PTPN22: variants seen among roughly 807,000 people sequenced by gnomAD.
PTPN22 encodes protein tyrosine phosphatase non-receptor type 22.
In PTPN22, 85 loss-of-function variants were observed where a neutral mutation model predicts 103.3. The observed-to-expected ratio is 0.82, with a 90% confidence interval of 0.69 to 0.99. The LOEUF is 0.99. Ranked by LOEUF, PTPN22 falls within the 50% of genes least tolerant of loss-of-function variation. The pLI, the probability that PTPN22 is intolerant of heterozygous loss-of-function variation, is 0.00. For synonymous variants in PTPN22, 323 were observed against 310.2 expected, an observed-to-expected ratio of 1.04 and a Z score of -0.43; for missense variants, 865 against 936.9, an observed-to-expected ratio of 0.92 and a Z score of 1.00.
At chr1:113,840,826 T>C (rs1293039522) in intron 11 of PTPN22, among the ~76,000 whole-genome samples, 1 of 152,186 alleles carries the variant, frequency 6.6e-6, no homozygotes, top group Non-Finnish European at 1.5e-5. Flanking sequence ...CATTTACATA[T>C]GGTGGGCAAT....
chr1:113,819,706 G>T, intron 19 of PTPN22, 52 bp from the exon 20 acceptor site: 2 of 1,263,364 alleles, frequency 1.6e-6, no homozygotes, highest in South Asian at 2.7e-5. Context: ...AGACTCAGAT[G>T]ACTGTTGATC....
At chr1:113,843,287 T>C (rs1464540650) in intron 11 of PTPN22, among the ~76,000 whole-genome samples, 1 of 10,410 alleles carries the variant, frequency 9.6e-5, no homozygotes, top group Non-Finnish European at 2.4e-4. Context: ...ATAAACAAAA[T>C]GTGTGTGTGT....
intron 12 of PTPN22, 30 bp downstream of exon 12, chr1:113,838,514 C>T: frequency 6.2e-7 from 1 of 1,606,078 alleles, no homozygotes; most frequent in South Asian, 1.1e-5. Flanking sequence ...CACAATTAGT[C>T]AACATTTAGA....
chr1:113,854,461 A>G lies in PTPN22; in HGVS notation c.750+10T>C, dbSNP rs1290550203. The G allele has an allele frequency of 6.2e-7, 1 of 1,610,320 alleles. No homozygotes were observed. The highest frequency in any genetic ancestry group is 8.5e-7 in the Non-Finnish European group (1 of 1,176,470). ...AAGCAAATGGGAAGTGCCTGCTGAGAGAAACTCACCCCATCTTTTAGCAAC... is the reference window on the plus strand; with the variant it reads ...AAGCAAATGGGAAGTGCCTGCTGAGGGAAACTCACCCCATCTTTTAGCAAC... On this transcript the variant is annotated intron_variant, in intron 9 of 20. Transcript: ENST00000359785.
intron 1 of PTPN22, 138 bp downstream of exon 1, chr1:113,871,399 C>CTTTTTTTT (rs942057521): frequency 8.4e-6 from 5 of 596,332 alleles, no homozygotes; most frequent in Non-Finnish European, 5.8e-6. Flanking sequence ...AGAAGTCAAA[C>CTTTTTTTT]TTTTTTTTTT....
chr1:113,847,317 T>C (rs2102031545), intron 11 of PTPN22, among the ~76,000 whole-genome samples: 1 of 151,698 alleles, frequency 6.6e-6, no homozygotes, highest in East Asian at 1.9e-4. Flanking sequence ...TTTTTATATT[T>C]TCATTCTTTT....
intron 11 of PTPN22, among the ~76,000 whole-genome samples, chr1:113,845,183 GTTTTGT>G (rs1558038619): frequency 2.0e-5 from 3 of 147,158 alleles, no homozygotes; most frequent in South Asian, 2.2e-4. Flanking sequence ...AATTTTGGTT[GTTTTGT>G]TTTTGTTTTT....
intron 18 of PTPN22, 71 bp from the exon 19 acceptor site, chr1:113,825,243 T>A: frequency 1.1e-6 from 1 of 949,490 alleles, no homozygotes; most frequent in Non-Finnish European, 1.6e-6. Flanking sequence ...AATAGAAATA[T>A]AGACTTAAGT....
At chr1:113,860,719 A>G (rs1305416063) in intron 1 of PTPN22, among the ~76,000 whole-genome samples, 1 of 152,214 alleles carries the variant, frequency 6.6e-6, no homozygotes, top group East Asian at 1.9e-4. Context: ...CAACTTCAGA[A>G]TGATCATTTT....
intron 19 of PTPN22, among the ~76,000 whole-genome samples, chr1:113,822,187 T>C (rs1661673049): frequency 6.6e-6 from 1 of 152,232 alleles, no homozygotes; most frequent in South Asian, 2.1e-4. Flanking sequence ...TGAAGTCAGC[T>C]TAAGTTAGGT....
chr1:113,867,082 T>A (rs1666183318), intron 1 of PTPN22, among the ~76,000 whole-genome samples: 1 of 152,222 alleles, frequency 6.6e-6, no homozygotes, highest in South Asian at 2.1e-4. Context: ...TGTTAGAATG[T>A]TGGTATTATG....
chr1:113,853,242 T>A (rs953402684), intron 9 of PTPN22, among the ~76,000 whole-genome samples: 1 of 152,124 alleles, frequency 6.6e-6, no homozygotes, highest in Non-Finnish European at 1.5e-5. Flanking sequence ...CCAGCCAAGT[T>A]TGCTTGGTTT....
intron 10 of PTPN22, among the ~76,000 whole-genome samples, chr1:113,850,245 G>GA (rs1174348306): frequency 6.7e-6 from 1 of 149,116 alleles, no homozygotes; most frequent in African/African-American, 2.5e-5. Context: ...AGGAAGGAAG[G>GA]AAGGAAGGAA....
chr1:113,836,327 C>G (rs1305023435), intron 13 of PTPN22, among the ~76,000 whole-genome samples: 1 of 152,060 alleles, frequency 6.6e-6, no homozygotes, highest in African/African-American at 2.4e-5. Context: ...TCAAACTAAT[C>G]AGTAAAACAG....
upstream of PTPN22, chr1:113,871,723 G>C: frequency 1.0e-6 from 1 of 997,374 alleles, no homozygotes; most frequent in Non-Finnish European, 1.6e-6. Flanking sequence ...GCTGCCGCCT[G>C]AGCAGAGCAT....
chr1:113,856,083 G>A (rs917101492), intron 7 of PTPN22, among the ~76,000 whole-genome samples: 4 of 152,008 alleles, frequency 2.6e-5, no homozygotes, highest in African/African-American at 7.2e-5. Context: ...GCACCATCTC[G>A]GTTCACTGCA....
chr1:113,863,931 T>A (rs1466556974), intron 1 of PTPN22, among the ~76,000 whole-genome samples: 14 of 147,710 alleles, frequency 9.5e-5, no homozygotes, highest in Middle Eastern at 3.5e-3. Flanking sequence ...ATATATATTT[T>A]TTTTTGACAT....
chr1:113,841,939 T>G (rs1434290078), intron 11 of PTPN22, among the ~76,000 whole-genome samples: 1 of 151,970 alleles, frequency 6.6e-6, no homozygotes, highest in Non-Finnish European at 1.5e-5. Context: ...GCACCATGGC[T>G]CATGCTTTTA....
At position 113,834,902 on chromosome 1, in the gene PTPN22, G is replaced by A; in HGVS notation, c.1894+8C>T. On this transcript the variant is annotated splice_region_variant and intron_variant, in intron 14 of 20. Coordinates refer to ENST00000359785, the Ensembl canonical transcript of PTPN22. ...CACTTTATTTTATACTTACTGAACT[G>A]TACTCACCAGCTTCCTCAACCACAA... 2 of 1,546,094 alleles carry A rather than the reference G, an allele frequency of 1.3e-6. No individual in the cohort carries two copies. Among genetic ancestry groups the A allele is most frequent in the African/African-American group, 1.4e-5 (1 of 71,540 alleles).
Sources: gnomAD v4.1 joint callset for allele counts (sites outside exome capture counted in the v4.1 genomes callset) on GRCh38, gnomAD v4.1.1 for gene constraint, MANE v1.5 for transcripts, NCBI Gene and HGNC (gene_info 2026-07-23, HGNC 2026-07-21) for gene names.